Variants in PATJ observed in about 807,000 individuals in gnomAD.
PATJ encodes the protein inaD-like protein.
PATJ carries 190 observed loss-of-function variants against 224.9 expected under a neutral mutation model. The ratio of observed to expected loss-of-function variants is 0.84; its 90% CI spans 0.75 to 0.95. PATJ has a LOEUF of 0.95. PATJ is among the 40% of genes least tolerant of loss of function. The pLI, the probability that PATJ is intolerant of heterozygous loss-of-function variation, is 0.00. For missense variants in PATJ, 2,121 were observed against 2,270.3 expected, an observed-to-expected ratio of 0.93 and a Z score of 1.34; for synonymous variants, 769 against 820.3, an observed-to-expected ratio of 0.94 and a Z score of 1.07.
At chr1:62,139,814 C>T (rs949552941) in intron 41 of PATJ, among the ~76,000 whole-genome samples, 4 of 151,302 alleles carry the variant, frequency 2.6e-5, no homozygotes, top group African/African-American at 7.3e-5. Context: ...GGCTGGAATC[C>T]AGTGTCACGA....
intron 41 of PATJ, among the ~76,000 whole-genome samples, chr1:62,143,438 A>ATTTTTTTTTTTTTTTT (rs34127211): frequency 4.0e-5 from 3 of 74,324 alleles, no homozygotes; most frequent in African/African-American, 1.7e-4. Flanking sequence ...TAAGCTGGGA[A>ATTTTTTTTTTTTTTTT]TTTTTTTTTT....
intron 28 of PATJ, among the ~76,000 whole-genome samples, chr1:62,003,749 A>G (rs528401738): frequency 6.6e-6 from 1 of 152,188 alleles, no homozygotes; most frequent in South Asian, 2.1e-4. Flanking sequence ...TCCCATCCCT[A>G]GCCTGGTACT....
At chr1:61,909,841 T>C (rs900511464) in intron 25 of PATJ, among the ~76,000 whole-genome samples, 1 of 152,170 alleles carries the variant, frequency 6.6e-6, no homozygotes, top group African/African-American at 2.4e-5. Context: ...GGTGGGGGCA[T>C]TGATGGAATA....
intron 31 of PATJ, among the ~76,000 whole-genome samples, chr1:62,070,906 C>T (rs895785619): frequency 2.0e-5 from 3 of 152,094 alleles, no homozygotes; most frequent in Non-Finnish European, 4.4e-5. Context: ...GAATTAAGGA[C>T]ATAGGATGAG....
chr1:61,998,026 ATATAT>A (rs1413723051), intron 28 of PATJ, among the ~76,000 whole-genome samples: 210 of 118,936 alleles, frequency 1.8e-3, no homozygotes, highest in African/African-American at 6.3e-3. Context: ...ATTATATATA[ATATAT>A]TATATATTTA....
At chr1:62,043,726 T>TC (rs1553251828) in intron 30 of PATJ, among the ~76,000 whole-genome samples, 1 of 151,246 alleles carries the variant, frequency 6.6e-6, no homozygotes, top group Admixed American at 6.6e-5. Context: ...GGTTTTGGTT[T>TC]GGGGGGGGCA....
At chr1:61,983,706 G>A (rs535213426) in intron 27 of PATJ, among the ~76,000 whole-genome samples, 1 of 151,992 alleles carries the variant, frequency 6.6e-6, no homozygotes, top group Non-Finnish European at 1.5e-5. Context: ...ACACTGTTGT[G>A]GGTACAGAAG....
chr1:61,797,279 T>G lies in PATJ; in HGVS notation c.1261-8T>G. On this transcript the variant is annotated splice_region_variant and splice_polypyrimidine_tract_variant and intron_variant, in intron 10 of 43. Coordinates refer to ENST00000642238, the MANE Select transcript of PATJ (RefSeq NM_001350145.3). ...AACCTCTGCTTAATGTTTCTCTTGATGTTTTAGGTCGATGGCGTGAACATT... is the reference window on the plus strand; with the variant it reads ...AACCTCTGCTTAATGTTTCTCTTGAGGTTTTAGGTCGATGGCGTGAACATT... 1 of 1,607,776 alleles carries G rather than the reference T, an allele frequency of 6.2e-7. No homozygotes were observed.
Position 61,818,883 on chromosome 1 carries a change from G to A in PATJ, c.1684-4062G>A, listed in dbSNP as rs540639390. On this transcript the variant is annotated intron_variant, in intron 14 of 43. Transcript: ENST00000642238. ...GTCATCATATGAATAGATGCGGATT[G>A]GGAGAGGATTGGAACCAGTTCTTGC... Among the ~76,000 whole-genome samples the A allele has an allele frequency of 5.3e-5, 8 of 152,264 alleles. No individual in the cohort carries two copies. The South Asian group carries it at 1.2e-3, about 24-fold the overall frequency.
At chr1:61,955,053 G>A (rs903101697) in intron 27 of PATJ, among the ~76,000 whole-genome samples, 1 of 151,984 alleles carries the variant, frequency 6.6e-6, no homozygotes, top group Non-Finnish European at 1.5e-5. Flanking sequence ...GTGCCTGGCT[G>A]GTATGCCAAA....
At chr1:61,745,670 C>G (rs1301311045) in intron 1 of PATJ, among the ~76,000 whole-genome samples, 1 of 151,978 alleles carries the variant, frequency 6.6e-6, no homozygotes, top group Non-Finnish European at 1.5e-5. Flanking sequence ...ATGGCGCTGT[C>G]TTGGCTCACT....
chr1:61,894,866 A>G (rs1286334629), intron 22 of PATJ, among the ~76,000 whole-genome samples: 1 of 152,224 alleles, frequency 6.6e-6, no homozygotes, highest in African/African-American at 2.4e-5. Flanking sequence ...GGAACTTCCT[A>G]GAGACTTGTT....
chr1:61,797,184 A>G (rs1354748373), intron 10 of PATJ, 103 bp from the exon 11 acceptor site: 12 of 1,327,978 alleles, frequency 9.0e-6, no homozygotes, highest in African/African-American at 1.5e-5. Flanking sequence ...TAAATAATTT[A>G]TTTTTGGAAT....
rs903195814 is a variant in PATJ, at chr1:62,147,697, G to A, written c.5272-587G>A. 5.3e-5 allele frequency among the ~76,000 whole-genome samples: 8 copies of A among 152,020 alleles called. 1 individual carries two copies. The highest frequency in any genetic ancestry group is 1.0e-4 in the Non-Finnish European group (7 of 68,004). ...GCCTGTAGTCCCAGCTACTCGGGAG[G>A]CTGAGGCAGGAGAATCACTTGAACC... On this transcript the variant is annotated intron_variant, in intron 41 of 43. Coordinates refer to ENST00000642238, the MANE Select transcript of PATJ (RefSeq NM_001350145.3).
At position 62,086,228 on chromosome 1, in the gene PATJ, A is replaced by ATATGTGTGTGTGTGTGTGTGTGTGTGTG. The variant is rs1491288534; in HGVS notation, c.4377+1581_4377+1582insATGTGTGTGTGTGTGTGTGTGTGTGTGT. Among the ~76,000 whole-genome samples, 26 of 150,334 alleles carry ATATGTGTGTGTGTGTGTGTGTGTGTGTG rather than the reference A, an allele frequency of 1.7e-4. No individual in the cohort carries two copies. Among genetic ancestry groups the ATATGTGTGTGTGTGTGTGTGTGTGTGTG allele is most frequent in the Admixed American group, 5.9e-4 (9 of 15,146 alleles). The stretch of plus-strand genomic sequence containing the variant: ...TACTCAAGATGTGATTAATTAATGC[A>ATATGTGTGTGTGTGTGTGTGTGTGTGTG]TGTGTGTGTGTGTGTATGTGTGTGT... On this transcript the variant is annotated intron_variant, in intron 33 of 43. Coordinates refer to ENST00000642238, the MANE Select transcript of PATJ (RefSeq NM_001350145.3). This position sits in a 1 kb window ranked among gnomAD's most constrained non-coding sequence, Gnocchi z 4.0.
At chr1:62,003,501 A>G (rs1282128153) in intron 28 of PATJ, among the ~76,000 whole-genome samples, 2 of 152,216 alleles carry the variant, frequency 1.3e-5, no homozygotes, top group Non-Finnish European at 2.9e-5. Context: ...CTTTGGAAAC[A>G]TTATACTTCA....
At chr1:62,098,371 A>G (rs1403557963) in intron 33 of PATJ, among the ~76,000 whole-genome samples, 2 of 149,028 alleles carry the variant, frequency 1.3e-5, no homozygotes, top group Non-Finnish European at 3.0e-5. Flanking sequence ...AAAAAAAAAG[A>G]AAAAAGAAAA....
At chr1:61,758,429 A>T (rs899124496) in intron 1 of PATJ, among the ~76,000 whole-genome samples, 2 of 151,554 alleles carry the variant, frequency 1.3e-5, no homozygotes, top group African/African-American at 2.4e-5. Context: ...GCTCACTGCA[A>T]CCTCCGCCTC....
intron 39 of PATJ, among the ~76,000 whole-genome samples, chr1:62,125,538 A>G (rs1665636903): frequency 6.6e-6 from 1 of 152,168 alleles, no homozygotes; most frequent in Non-Finnish European, 1.5e-5. Context: ...TGTTCCTATG[A>G]TGGGGAAGTT....
Sources: allele counts gnomAD v4.1 joint callset (sites outside exome capture counted in the v4.1 genomes callset), GRCh38; gene constraint gnomAD v4.1.1; non-coding constraint Gnocchi (gnomAD v3.1); transcripts MANE v1.5; gene names NCBI Gene and HGNC (gene_info 2026-07-23, HGNC 2026-07-21).